The following RUNDC3B variants were observed in gnomAD, a reference collection of about 807,000 sequenced individuals.
RUNDC3B encodes RUN domain-containing protein 3B.
Under a neutral mutation model 58.4 loss-of-function variants are expected in RUNDC3B, and 33 were observed. The observed-to-expected ratio is 0.56, with a 90% confidence interval of 0.43 to 0.75. The LOEUF is 0.75. Ranked by LOEUF, RUNDC3B falls within the 30% of genes least tolerant of loss-of-function variation. The pLI is 0.00. For synonymous variants in RUNDC3B, 193 were observed against 195.2 expected (o/e 0.99, Z 0.10); for missense variants, 501 against 535.7 (o/e 0.94, Z 0.64).
At chr7:87,639,389 TTA>T (rs1464401868) in intron 1 of RUNDC3B, among the ~76,000 whole-genome samples, 2 of 152,170 alleles carry the variant, frequency 1.3e-5, no homozygotes, top group Non-Finnish European at 2.9e-5. Flanking sequence ...ATTGCATGAT[TTA>T]TATATGTCAG....
At chr7:87,741,063 G>A (rs1832293180) in intron 5 of RUNDC3B, among the ~76,000 whole-genome samples, 1 of 152,050 alleles carries the variant, frequency 6.6e-6, no homozygotes, top group South Asian at 2.1e-4. Flanking sequence ...AAATTACCCA[G>A]GCATGGTAGT....
chr7:87,637,973 G>A (rs1346588120), intron 1 of RUNDC3B, among the ~76,000 whole-genome samples: 2 of 152,024 alleles, frequency 1.3e-5, no homozygotes, highest in African/African-American at 4.8e-5. Context: ...TAAATAGGAT[G>A]TTTGCAGTAG....
chr7:87,681,907 T>C (rs1826965825), intron 2 of RUNDC3B, among the ~76,000 whole-genome samples: 1 of 152,204 alleles, frequency 6.6e-6, no homozygotes, highest in South Asian at 2.1e-4. Flanking sequence ...GAAAGGTTTC[T>C]CTCTAGCATG....
At chr7:87,812,699 C>G (rs1836792608) in intron 9 of RUNDC3B, among the ~76,000 whole-genome samples, 1 of 152,130 alleles carries the variant, frequency 6.6e-6, no homozygotes, top group African/African-American at 2.4e-5. Context: ...ATGAATGACT[C>G]TTACTGTCTT....
At chr7:87,683,981 G>A (rs1362188483) in intron 2 of RUNDC3B, among the ~76,000 whole-genome samples, 1 of 152,134 alleles carries the variant, frequency 6.6e-6, no homozygotes, top group African/African-American at 2.4e-5. Flanking sequence ...ATGCAAGAAT[G>A]CTTCAGTACT....
intron 5 of RUNDC3B, among the ~76,000 whole-genome samples, chr7:87,741,020 C>T (rs1832290395): frequency 6.6e-6 from 1 of 151,996 alleles, no homozygotes; most frequent in Admixed American, 6.6e-5. Context: ...GCCTGGCCAA[C>T]GTGGCGAAAC....
intron 2 of RUNDC3B, among the ~76,000 whole-genome samples, chr7:87,663,954 T>C (rs1373326043): frequency 6.6e-6 from 1 of 152,138 alleles, no homozygotes; most frequent in African/African-American, 2.4e-5. Flanking sequence ...TTATACCTCA[T>C]TTCACCTTAA....
intron 4 of RUNDC3B, among the ~76,000 whole-genome samples, chr7:87,716,252 T>A (rs557544110): frequency 6.6e-6 from 1 of 152,304 alleles, no homozygotes; most frequent in Non-Finnish European, 1.5e-5. Flanking sequence ...TTGTGGGATA[T>A]TGGAGCCAAC....
At chr7:87,656,885 T>C (rs953660025) in intron 2 of RUNDC3B, among the ~76,000 whole-genome samples, 7 of 152,318 alleles carry the variant, frequency 4.6e-5, no homozygotes, top group Non-Finnish European at 8.8e-5. Context: ...ATTTATTCAA[T>C]TGTATTTATT....
At chr7:87,672,123 C>T (rs1306668962) in intron 2 of RUNDC3B, among the ~76,000 whole-genome samples, 2 of 152,140 alleles carry the variant, frequency 1.3e-5, no homozygotes, top group Non-Finnish European at 2.9e-5. Flanking sequence ...CCTGCCTCTC[C>T]CTCTGGGAGC....
intron 9 of RUNDC3B, among the ~76,000 whole-genome samples, chr7:87,813,733 A>C (rs562101263): frequency 7.2e-5 from 11 of 152,178 alleles, no homozygotes; most frequent in African/African-American, 2.6e-4. Context: ...TAATCCCAGC[A>C]CTTTGAGAGG....
chr7:87,782,228 T>C (rs1418991973), intron 8 of RUNDC3B, among the ~76,000 whole-genome samples: 1 of 152,174 alleles, frequency 6.6e-6, no homozygotes, highest in Non-Finnish European at 1.5e-5. Context: ...AACTTATCAA[T>C]TTCCTCTAGA....
chr7:87,742,880 G>C (rs188650811), intron 6 of RUNDC3B, among the ~76,000 whole-genome samples: 5 of 152,030 alleles, frequency 3.3e-5, no homozygotes, highest in East Asian at 3.9e-4. Context: ...TTGGGAGGCC[G>C]AGGTGGGCGG....
At chr7:87,770,838 A>T in intron 7 of RUNDC3B, 89 bp downstream of exon 7, 1 of 882,896 alleles carries the variant, frequency 1.1e-6, no homozygotes, top group Non-Finnish European at 1.7e-6. Flanking sequence ...ACTGAATAAA[A>T]TTATTTATCC....
At chr7:87,767,182 A>G (rs1187650457) in intron 6 of RUNDC3B, among the ~76,000 whole-genome samples, 3 of 152,066 alleles carry the variant, frequency 2.0e-5, no homozygotes, top group African/African-American at 7.2e-5. Context: ...CTTCTCTTAG[A>G]TCTCATTTAA....
intron 9 of RUNDC3B, among the ~76,000 whole-genome samples, chr7:87,810,217 G>A (rs907817580): frequency 6.6e-6 from 1 of 152,156 alleles, no homozygotes; most frequent in South Asian, 2.1e-4. Flanking sequence ...CTGAGCAAAG[G>A]ATTCATGAAT....
At chr7:87,736,128 T>C (rs1831917269) in intron 4 of RUNDC3B, among the ~76,000 whole-genome samples, 1 of 152,186 alleles carries the variant, frequency 6.6e-6, no homozygotes, top group Non-Finnish European at 1.5e-5. Flanking sequence ...AGAATTTTCT[T>C]ATATCCCCTT....
At chr7:87,682,272 T>C (rs1302917611) in intron 2 of RUNDC3B, among the ~76,000 whole-genome samples, 4 of 152,170 alleles carry the variant, frequency 2.6e-5, no homozygotes, top group Admixed American at 2.6e-4. Context: ...TCCATGAGAG[T>C]TGGAATCAAC....
rs183577436 is a variant in RUNDC3B at position 87,646,480 on chromosome 7, A to T, written c.123-4342A>T. 2.2e-4 allele frequency among the ~76,000 whole-genome samples: 33 copies of T among 152,230 alleles called. No homozygotes were observed. The East Asian group carries it at 5.0e-3, about 23-fold the overall frequency. ...ATAAGTTTTGGTGTATTTTATGGAGATGCATTACTATCTTAAATGGCATAA... is the reference window on the plus strand; with the variant it reads ...ATAAGTTTTGGTGTATTTTATGGAGTTGCATTACTATCTTAAATGGCATAA... On this transcript the variant is annotated intron_variant, in intron 1 of 10. Coordinates refer to ENST00000394654, the MANE Select transcript of RUNDC3B (RefSeq NM_001134405.2).
Sources: allele counts gnomAD v4.1 joint callset (sites outside exome capture counted in the v4.1 genomes callset), GRCh38; gene constraint gnomAD v4.1.1; transcripts MANE v1.5; gene names NCBI Gene and HGNC (gene_info 2026-07-23, HGNC 2026-07-21).